The following MYO9A variants were observed in gnomAD, a reference collection of about 807,000 sequenced individuals.
The protein encoded by MYO9A is unconventional myosin-IXa.
Under a neutral mutation model 293.3 loss-of-function variants are expected in MYO9A, and 103 were observed. That is an observed-to-expected ratio of 0.35 (90% confidence interval 0.30 to 0.41). The LOEUF (loss-of-function observed/expected upper bound fraction) is 0.41, where lower values mean the gene tolerates loss of function less well. MYO9A is among the 10% of genes least tolerant of loss of function. The pLI is 1.00. For missense variants in MYO9A, 2,685 were observed against 3,033.0 expected, an observed-to-expected ratio of 0.89 and a Z score of 2.69; for synonymous variants, 1,001 against 1,035.7, an observed-to-expected ratio of 0.97 and a Z score of 0.64.
chr15:71,937,706 G>A (rs926041717), intron 16 of MYO9A, among the ~76,000 whole-genome samples: 1 of 152,058 alleles, frequency 6.6e-6, no homozygotes, highest in Non-Finnish European at 1.5e-5. Context: ...ATCCAAAATG[G>A]AAAGTACAAA....
intron 1 of MYO9A, among the ~76,000 whole-genome samples, chr15:72,049,641 C>T (rs1378339730): frequency 6.6e-6 from 1 of 152,224 alleles, no homozygotes; most frequent in Non-Finnish European, 1.5e-5. Flanking sequence ...CCTGTCAGAT[C>T]GTCAGCAGCA....
chr15:72,065,587 AC>A (rs1435887691), intron 1 of MYO9A, among the ~76,000 whole-genome samples: 1 of 152,026 alleles, frequency 6.6e-6, no homozygotes, highest in Non-Finnish European at 1.5e-5. Context: ...AACAAAAAAA[AC>A]ACACTAGGTA....
chr15:72,034,629 T>C (rs1455194941), intron 2 of MYO9A, among the ~76,000 whole-genome samples: 5 of 152,212 alleles, frequency 3.3e-5, no homozygotes. Flanking sequence ...GAAAGTTTTT[T>C]ACAAGGAATT....
intron 19 of MYO9A, among the ~76,000 whole-genome samples, chr15:71,911,637 T>A (rs1298111325): frequency 6.6e-6 from 1 of 152,186 alleles, no homozygotes. Flanking sequence ...ACAAAACTTC[T>A]TTTAAAAAAC....
intron 32 of MYO9A, among the ~76,000 whole-genome samples, chr15:71,869,993 T>A (rs957625158): frequency 1.3e-5 from 2 of 152,220 alleles, no homozygotes; most frequent in African/African-American, 4.8e-5. Flanking sequence ...ACAATCTATC[T>A]AAACTTTACT....
chr15:71,895,850 T>C (rs988272193), intron 25 of MYO9A, among the ~76,000 whole-genome samples: 1 of 152,140 alleles, frequency 6.6e-6, no homozygotes, highest in African/African-American at 2.4e-5. Flanking sequence ...CAATTTGTTT[T>C]TTACAAAACA....
chr15:71,980,518 T>C (rs2076246194), intron 11 of MYO9A, among the ~76,000 whole-genome samples: 1 of 152,194 alleles, frequency 6.6e-6, no homozygotes, highest in Admixed American at 6.5e-5. Flanking sequence ...GATTTCCCCT[T>C]GTATGACGTG....
intron 28 of MYO9A, among the ~76,000 whole-genome samples, chr15:71,882,340 G>A (rs1374399549): frequency 6.6e-6 from 1 of 152,228 alleles, no homozygotes; most frequent in African/African-American, 2.4e-5. Flanking sequence ...AAGGGCTTGA[G>A]AAGTGGTAAT....
intron 12 of MYO9A, 92 bp downstream of exon 12, chr15:71,978,079 C>G: frequency 6.9e-7 from 1 of 1,449,484 alleles, no homozygotes; most frequent in Non-Finnish European, 9.4e-7. Context: ...AAATTTGGCT[C>G]TTTATTTGGT....
chr15:71,848,118 A>C (rs775159765), intron 39 of MYO9A, among the ~76,000 whole-genome samples: 8 of 151,758 alleles, frequency 5.3e-5, no homozygotes, highest in Admixed American at 5.2e-4. Flanking sequence ...CAATAAATAA[A>C]CCTTAATGCA....
intron 1 of MYO9A, among the ~76,000 whole-genome samples, chr15:72,099,743 A>C (rs2080204379): frequency 6.6e-6 from 1 of 151,074 alleles, no homozygotes; most frequent in African/African-American, 2.4e-5. Context: ...CTCTACTAAA[A>C]ACATAAAAAT....
intron 3 of MYO9A, among the ~76,000 whole-genome samples, 170 bp from the exon 4 acceptor site, chr15:72,027,963 C>T (rs753512992): frequency 1.3e-4 from 20 of 151,692 alleles, no homozygotes; most frequent in Non-Finnish European, 2.4e-4. Flanking sequence ...TTTGGGAGGT[C>T]GAGATGAGAG....
At position 71,908,754 on chromosome 15, in the gene MYO9A, C is replaced by T. The variant is rs28670261; in HGVS notation, c.2686-3748G>A. Reference sequence around the variant, plus strand: ...GTGTGTTATATGTGATGAACCAATACTGACATGATTATTAACTACAGTCCA... The same window carrying T: ...GTGTGTTATATGTGATGAACCAATATTGACATGATTATTAACTACAGTCCA... On this transcript the variant is annotated intron_variant, in intron 19 of 41. Transcript: ENST00000356056. Among the ~76,000 whole-genome samples, 858 of 152,278 alleles carry T rather than the reference C, an allele frequency of 5.6e-3. 11 individuals carry two copies. Among genetic ancestry groups the T allele is most frequent in the African/African-American group, 0.02 (812 of 41,562 alleles).
chr15:71,988,917 T>C (rs2076470677), intron 11 of MYO9A, among the ~76,000 whole-genome samples: 1 of 152,118 alleles, frequency 6.6e-6, no homozygotes, highest in Admixed American at 6.6e-5. Flanking sequence ...TTTTTTGAGA[T>C]AGAGTCTCAC....
At chr15:71,886,069 T>A (rs1305059819) in intron 27 of MYO9A, among the ~76,000 whole-genome samples, 7 of 152,108 alleles carry the variant, frequency 4.6e-5, no homozygotes, top group Admixed American at 4.6e-4. Context: ...CTTGAAGTGT[T>A]CTATTCCCTG....
chr15:72,085,117 G>A (rs1314314711), intron 1 of MYO9A, among the ~76,000 whole-genome samples: 8 of 152,086 alleles, frequency 5.3e-5, no homozygotes, highest in South Asian at 2.1e-4. Context: ...GCAGCTGGCC[G>A]GGCGTGGTGG....
intron 18 of MYO9A, among the ~76,000 whole-genome samples, chr15:71,928,057 T>TATA (rs1491302118): frequency 4.4e-4 from 2 of 4,508 alleles, no homozygotes; most frequent in African/African-American, 1.0e-3. Flanking sequence ...TATATATATA[T>TATA]TTTTTTTTTT....
intron 34 of MYO9A, among the ~76,000 whole-genome samples, chr15:71,857,922 CA>C (rs1457579940): frequency 1.3e-5 from 2 of 152,254 alleles, no homozygotes; most frequent in African/African-American, 4.8e-5. Context: ...AAAAAACAAA[CA>C]ACCCCACCAA....
At chr15:72,091,316 T>G (rs1446732680) in intron 1 of MYO9A, among the ~76,000 whole-genome samples, 3 of 152,242 alleles carry the variant, frequency 2.0e-5, no homozygotes. Flanking sequence ...TTTTATTTCT[T>G]GATATCCATA....
Sources: allele counts gnomAD v4.1 joint callset (sites outside exome capture counted in the v4.1 genomes callset), GRCh38; gene constraint gnomAD v4.1.1; transcripts MANE v1.5; gene names NCBI Gene and HGNC (gene_info 2026-07-23, HGNC 2026-07-21).